ATP2B4: variants seen among roughly 807,000 people sequenced by gnomAD.
ATP2B4 encodes ATPase plasma membrane Ca2+ transporting 4, also known as plasma membrane calcium-transporting ATPase 4.
In ATP2B4, 39 loss-of-function variants were observed where a neutral mutation model predicts 110.3. The observed-to-expected ratio is 0.35, with a 90% confidence interval of 0.27 to 0.46. The LOEUF (loss-of-function observed/expected upper bound fraction) is 0.46, where lower values mean the gene tolerates loss of function less well. Among genes scored for constraint, ATP2B4 ranks in the 20% least tolerant of loss-of-function variants. ATP2B4 has a pLI of 1.00. For synonymous variants in ATP2B4, 538 were observed against 571.7 expected (o/e 0.94, Z 0.84); for missense variants, 1,135 against 1,530.9 (o/e 0.74, Z 4.32).
chr1:203,675,917 G>T (rs909368624), intron 1 of ATP2B4, among the ~76,000 whole-genome samples: 2 of 152,164 alleles, frequency 1.3e-5, no homozygotes, highest in Non-Finnish European at 2.9e-5. Flanking sequence ...GGACTATAGG[G>T]GGGAGAGGGA....
intron 2 of ATP2B4, among the ~76,000 whole-genome samples, chr1:203,697,022 T>C (rs1395676435): frequency 6.6e-6 from 1 of 152,188 alleles, no homozygotes; most frequent in African/African-American, 2.4e-5. Flanking sequence ...TGGCCCCACC[T>C]TTCTTGTTCT....
chr1:203,742,987 T>C lies in ATP2B4; in HGVS notation c.*3133T>C, dbSNP rs1010622836. ...TAGCCCTGAGTGACAGTCTTAAGGC[T>C]AGATCCTTCCCATAGTATCATCTGT... On this transcript the variant is annotated 3_prime_UTR_variant, in exon 21 of 21. Coordinates refer to ENST00000357681, the MANE Select transcript of ATP2B4 (RefSeq NM_001684.5). 6.5e-6 allele frequency: 1 copy of C among 152,782 alleles called. No individual in the cohort carries two copies. The highest frequency in any genetic ancestry group is 2.1e-4 in the South Asian group (1 of 4,828). 9.5% of individuals were successfully genotyped at this position (152,782 alleles called of 1,614,324 possible). A position where few individuals can be genotyped will look rare whatever the true frequency, so the allele number is the denominator to read the frequency against.
intron 1 of ATP2B4, among the ~76,000 whole-genome samples, chr1:203,636,846 A>G (rs760857510): frequency 6.6e-6 from 1 of 152,158 alleles, no homozygotes; most frequent in Non-Finnish European, 1.5e-5. Flanking sequence ...ACAATGTAAC[A>G]ATTTGCAGCC....
rs183759350 is a variant in ATP2B4, at chr1:203,720,767, C to T, written c.2598+27C>T. Reference sequence around the variant, plus strand: ...TGAAGGGGGTGTGGGTGGGCTGAGACGGGAGGGATGAGTCAGGGGCTAAGG... The same window carrying T: ...TGAAGGGGGTGTGGGTGGGCTGAGATGGGAGGGATGAGTCAGGGGCTAAGG... On this transcript the variant is annotated intron_variant, in intron 16 of 20. Coordinates refer to ENST00000357681, the MANE Select transcript of ATP2B4 (RefSeq NM_001684.5). 308 of 1,594,482 alleles carry T rather than the reference C, an allele frequency of 1.9e-4. 1 individual carries two copies. The highest frequency in any genetic ancestry group is 9.5e-4 in the Admixed American group (56 of 58,704).
intron 1 of ATP2B4, among the ~76,000 whole-genome samples, chr1:203,673,702 G>GA (rs929525560): frequency 1.3e-5 from 2 of 152,186 alleles, no homozygotes; most frequent in African/African-American, 4.8e-5. Context: ...GGCCACACAG[G>GA]AATGTTGTTT....
chr1:203,694,910 G>A (rs1396775549), intron 2 of ATP2B4, among the ~76,000 whole-genome samples: 1 of 152,154 alleles, frequency 6.6e-6, no homozygotes. Flanking sequence ...TTTTGAAGCT[G>A]ATAGGATTTC....
intron 15 of ATP2B4, among the ~76,000 whole-genome samples, chr1:203,718,242 A>G: frequency 6.6e-6 from 1 of 151,208 alleles, no homozygotes; most frequent in Non-Finnish European, 1.5e-5. Context: ...TAGATGTCTA[A>G]CTTCCTGATT....
intron 20 of ATP2B4, chr1:203,728,391 A>C (rs76793746): frequency 3.5e-6 from 1 of 281,878 alleles, no homozygotes. Flanking sequence ...CCCTGCTCTC[A>C]CCCCCCATAG....
At chr1:203,683,662 G>GTTTCTTTTTTTTTTTTTTTTTTTTTTTT (rs1665085045) in intron 2 of ATP2B4, among the ~76,000 whole-genome samples, 1 of 111,154 alleles carries the variant, frequency 9.0e-6, no homozygotes. Flanking sequence ...TTCTTCTTTT[G>GTTTCTTTTTTTTTTTTTTTTTTTTTTTT]TTTCTTTTTT....
At chr1:203,659,226 T>TA (rs375531992) in intron 1 of ATP2B4, among the ~76,000 whole-genome samples, 3 of 151,718 alleles carry the variant, frequency 2.0e-5, no homozygotes, top group South Asian at 2.1e-4. Flanking sequence ...ATGTGTCAGT[T>TA]AAAAAAAAAT....
Position 203,683,343 on chromosome 1 carries a change from C to G in ATP2B4, c.138C>G (p.Val46=). The change falls in exon 2 of 21, where the codon GTC becomes GTG. Residue 46 remains valine (V), a synonymous_variant. Transcript: ENST00000357681. ...GGGATGCACTGACCCAGATTAATGT[C>G]CACTATGGAGGTGTACAGAATCTCT... The part of the protein sequence containing the change: ...RSRDALTQIN[V]HYGGVQNLCS... 1.9e-6 allele frequency: 3 copies of G among 1,614,156 alleles called. No individual in the cohort carries two copies. Among genetic ancestry groups the G allele is most frequent in the Non-Finnish European group, 2.5e-6 (3 of 1,180,034 alleles).
chr1:203,722,680 C>T lies in ATP2B4; in HGVS notation c.3015C>T (p.Phe1005=), dbSNP rs200633745. The part of the protein sequence containing the change: ...IIFCSVVLGT[F]ICQIFIVEFG... ...TCTGCTCTGTAGTCTTGGGCACATT[C>T]ATCTGCCAGGTGAGATTCTATCTGC... is the stretch of plus-strand genomic sequence containing the variant. Residue 1005 remains phenylalanine, a synonymous_variant, in exon 18 of 21, where the codon TTC becomes TTT. Coordinates refer to ENST00000357681, the MANE Select transcript of ATP2B4 (RefSeq NM_001684.5). 4.2e-5 allele frequency: 67 copies of T among 1,613,920 alleles called. No individual in the cohort carries two copies. The highest frequency in any genetic ancestry group is 5.9e-6 in the Non-Finnish European group (7 of 1,179,890).
intron 1 of ATP2B4, among the ~76,000 whole-genome samples, chr1:203,630,938 A>G (rs1663249285): frequency 6.6e-6 from 1 of 152,254 alleles, no homozygotes; most frequent in Admixed American, 6.5e-5. Context: ...TTCCTCTGCC[A>G]GTATCTCTCC....
chr1:203,733,184 CTG>C (rs1317312879), intron 20 of ATP2B4: 29 of 1,579,768 alleles, frequency 1.8e-5, no homozygotes, highest in Non-Finnish European at 2.4e-5. Flanking sequence ...CTCGGACTGA[CTG>C]TGGAGCAAAG....
chr1:203,657,353 G>T, intron 1 of ATP2B4: 1 of 744,382 alleles, frequency 1.3e-6, no homozygotes, highest in Admixed American at 2.0e-5. Flanking sequence ...CTTTTAATAC[G>T]TCTGTTTCTC....
intron 9 of ATP2B4, 30 bp from the exon 10 acceptor site, chr1:203,707,832 C>T: frequency 6.2e-7 from 1 of 1,609,662 alleles, no homozygotes; most frequent in African/African-American, 1.3e-5. Flanking sequence ...GTTAGTCCCC[C>T]TCTCAAGTCT....
intron 4 of ATP2B4, 58 bp downstream of exon 4, chr1:203,699,775 T>C: frequency 1.3e-6 from 2 of 1,593,166 alleles, no homozygotes; most frequent in Non-Finnish European, 8.6e-7. Flanking sequence ...AAGGGATAGG[T>C]CCTTTGGCAT....
At chr1:203,719,489 C>T (rs927146669) in intron 15 of ATP2B4, among the ~76,000 whole-genome samples, 8 of 152,130 alleles carry the variant, frequency 5.3e-5, no homozygotes, top group African/African-American at 1.9e-4. Context: ...GCAGGTGGAT[C>T]ACCTGAGGTC....
chr1:203,686,685 C>CTTTTTTTTTTTTTTTTTT lies in ATP2B4; in HGVS notation c.193+3296_193+3313dup, dbSNP rs779048789. On this transcript the variant is annotated intron_variant, in intron 2 of 20. Coordinates refer to ENST00000357681, the MANE Select transcript of ATP2B4 (RefSeq NM_001684.5). ...CCTGGTGTTTTTCTTTCTTTTCTTTCTTTTTTTTTTTTTTTTTTTTTTTTT... is the reference window on the plus strand; with the variant it reads ...CCTGGTGTTTTTCTTTCTTTTCTTTCTTTTTTTTTTTTTTTTTTTTTTTTTTTTTTTTTTTTTTTTTTT... 3.0e-3 allele frequency among the ~76,000 whole-genome samples: 128 copies of CTTTTTTTTTTTTTTTTTT among 42,772 alleles called. 9 individuals carry two copies. Among genetic ancestry groups the CTTTTTTTTTTTTTTTTTT allele is most frequent in the East Asian group, 4.3e-3 (2 of 462 alleles). The allele number at this position is 42,772 out of a possible 152,430, so 28.1% of individuals were successfully genotyped here.
Sources: gnomAD v4.1 joint callset for allele counts (sites outside exome capture counted in the v4.1 genomes callset) on GRCh38, gnomAD v4.1.1 for gene constraint, MANE v1.5 for transcripts, NCBI Gene and HGNC (gene_info 2026-07-23, HGNC 2026-07-21) for gene names.